ZNF724: variants seen among roughly 807,000 people sequenced by gnomAD.
The protein encoded by ZNF724 is zinc finger protein 724.
Under a neutral mutation model 29.3 loss-of-function variants are expected in ZNF724, and 14 were observed. That is an observed-to-expected ratio of 0.48 (90% CI 0.32 to 0.75). ZNF724 has a LOEUF of 0.75. ZNF724 is among the 30% of genes least tolerant of loss of function. The pLI is 0.04. For missense variants in ZNF724, 557 were observed against 571.2 expected (o/e 0.98, Z 0.25); for synonymous variants, 180 against 193.6 (o/e 0.93, Z 0.58).
intron 1 of ZNF724, among the ~76,000 whole-genome samples, chr19:23,246,817 G>A (rs988656147): frequency 6.6e-6 from 1 of 152,112 alleles, no homozygotes; most frequent in Non-Finnish European, 1.5e-5. Flanking sequence ...TTGTGAACAT[G>A]TATTCATTTT....
intron 1 of ZNF724, among the ~76,000 whole-genome samples, chr19:23,241,137 C>A (rs560586753): frequency 6.6e-6 from 1 of 152,048 alleles, no homozygotes; most frequent in Non-Finnish European, 1.5e-5. Context: ...CACCTCTGTA[C>A]ACAAAAACTA....
chr19:23,241,567 G>A lies in ZNF724; in HGVS notation c.3+8673C>T, dbSNP rs114922062. On this transcript the variant is annotated intron_variant, in intron 1 of 3. Coordinates refer to ENST00000418100, the MANE Select transcript of ZNF724 (RefSeq NM_001355404.2). ...CTACTATAACCAAGTAGGCTTTATCGCTGGAATGCAAGGTTGGTTCAACAT... is the reference window on the plus strand; with the variant it reads ...CTACTATAACCAAGTAGGCTTTATCACTGGAATGCAAGGTTGGTTCAACAT... Among the ~76,000 whole-genome samples, 1,416 of 152,184 alleles carry A rather than the reference G, an allele frequency of 9.3e-3. 22 individuals carry two copies. Among genetic ancestry groups the A allele is most frequent in the African/African-American group, 0.031 (1,292 of 41,522 alleles).
intron 1 of ZNF724, among the ~76,000 whole-genome samples, chr19:23,245,763 A>G (rs990533931): frequency 6.6e-6 from 1 of 152,136 alleles, no homozygotes; most frequent in African/African-American, 2.4e-5. Flanking sequence ...TAAAGACCTT[A>G]TAATTGGTAC....
intron 1 of ZNF724, among the ~76,000 whole-genome samples, chr19:23,246,130 C>T (rs1306917110): frequency 6.6e-6 from 1 of 152,068 alleles, no homozygotes; most frequent in Admixed American, 6.6e-5. Flanking sequence ...AAGAGTTATT[C>T]ACTCAGGTTT....
At chr19:23,244,110 G>A (rs1463004483) in intron 1 of ZNF724, among the ~76,000 whole-genome samples, 10 of 151,202 alleles carry the variant, frequency 6.6e-5, no homozygotes, top group Non-Finnish European at 1.5e-4. Flanking sequence ...CGACGGGTGG[G>A]GGTAAGTGCA....
At chr19:23,247,569 C>T (rs1972263344) in intron 1 of ZNF724, among the ~76,000 whole-genome samples, 1 of 152,068 alleles carries the variant, frequency 6.6e-6, no homozygotes, top group Admixed American at 6.5e-5. Context: ...CCAATGACCA[C>T]CTTCTCAGGA....
chr19:23,237,298 C>T (rs1972036710), intron 1 of ZNF724, among the ~76,000 whole-genome samples: 1 of 152,082 alleles, frequency 6.6e-6, no homozygotes, highest in Non-Finnish European at 1.5e-5. Context: ...ACTGTAATAG[C>T]AGTATTCGAG....
intron 1 of ZNF724, 122 bp downstream of exon 1, chr19:23,250,115 AAGG>A (rs1423896511): frequency 1.1e-5 from 6 of 540,504 alleles, no homozygotes; most frequent in East Asian, 5.0e-5. Context: ...CCAGCTGGGC[AAGG>A]AGAACTCAGG....
At chr19:23,233,643 T>C (rs1361071188) in intron 1 of ZNF724, among the ~76,000 whole-genome samples, 1 of 151,734 alleles carries the variant, frequency 6.6e-6, no homozygotes, top group East Asian at 1.9e-4. Context: ...AAGAAATATT[T>C]TTCTTGATTA....
chr19:23,243,820 G>A (rs1972184087), intron 1 of ZNF724, among the ~76,000 whole-genome samples: 1 of 151,794 alleles, frequency 6.6e-6, no homozygotes, highest in African/African-American at 2.4e-5. Context: ...CTACTTGGGA[G>A]GCTGATGCAG....
intron 1 of ZNF724, among the ~76,000 whole-genome samples, chr19:23,243,214 C>G (rs1045822537): frequency 2.6e-5 from 4 of 151,882 alleles, no homozygotes; most frequent in Non-Finnish European, 5.9e-5. Flanking sequence ...CATGGTGGCC[C>G]ACACCTGTAA....
chr19:23,243,649 G>A (rs1218813368), intron 1 of ZNF724, among the ~76,000 whole-genome samples: 10 of 151,770 alleles, frequency 6.6e-5, no homozygotes, highest in Admixed American at 3.3e-4. Context: ...TGGGCCGGGC[G>A]CGGTGGCTCA....
At chr19:23,249,964 GGA>G (rs1227980933) in intron 1 of ZNF724, among the ~76,000 whole-genome samples, 1 of 152,182 alleles carries the variant, frequency 6.6e-6, no homozygotes, top group Non-Finnish European at 1.5e-5. Flanking sequence ...GCACAATCTG[GGA>G]GAGACGCTGC....
In ZNF724 at chr19:23,222,401, T is replaced by C. The variant is rs753440477; in HGVS notation, c.1844A>G (p.Glu615Gly). Residue 615 changes from glutamate (E) to glycine (G), a missense_variant, in exon 4 of 4, where the codon GAA (glutamate) becomes GGA (glycine). Physicochemically the swap from Glu to Gly is moderately conservative, Grantham distance 98 (BLOSUM62 -2). Coordinates refer to ENST00000418100, the MANE Select transcript of ZNF724 (RefSeq NM_001355404.2). The stretch of plus-strand genomic sequence containing the variant: ...CCATTTTTCTTATTTGTCAGATTTT[T>C]CTACAGCATGAATTTTCTTGTGTGT... The part of the protein sequence containing the change: ...LTTHKKIHAV[E>G]KSDK The C allele has an allele frequency of 8.6e-7, 1 of 1,167,050 alleles. No individual in the cohort carries two copies. Among genetic ancestry groups the C allele is most frequent in the Non-Finnish European group, 1.3e-6 (1 of 784,346 alleles). The allele number at this position is 1,167,050 out of a possible 1,614,324, so 72.3% of individuals were successfully genotyped here. A position where few individuals can be genotyped will look rare whatever the true frequency, so the allele number is the denominator to read the frequency against.
chr19:23,232,306 C>T lies in ZNF724; in HGVS notation c.4-13G>A. ...ATGTCAATGGTCCCTGAAAAGTACA[C>T]ACACACATATTTACGAAGTGGCCAT... is the stretch of plus-strand genomic sequence containing the variant. On this transcript the variant is annotated splice_polypyrimidine_tract_variant and intron_variant, in intron 1 of 3. Coordinates refer to ENST00000418100, the MANE Select transcript of ZNF724 (RefSeq NM_001355404.2). 13 of 1,196,204 alleles carry T rather than the reference C, an allele frequency of 1.1e-5. No individual in the cohort carries two copies. Among genetic ancestry groups the T allele is most frequent in the Non-Finnish European group, 1.6e-5 (13 of 807,120 alleles). 74.1% of individuals were successfully genotyped at this position (1,196,204 alleles called of 1,614,324 possible).
rs1232523206 is a variant in ZNF724 at position 23,221,958 on chromosome 19, T to C, written c.*427A>G. The C allele has an allele frequency of 6.2e-6, 1 of 161,698 alleles. No individual in the cohort carries two copies. The highest frequency in any genetic ancestry group is 2.4e-5 in the African/African-American group (1 of 41,534). 10.0% of individuals were successfully genotyped at this position (161,698 alleles called of 1,614,324 possible). ...AGGCTTATATTTTCTGAAAAATCTA[T>C]TGACAGTAATTTCATCTTTAATGCT... On this transcript the variant is annotated 3_prime_UTR_variant, in exon 4 of 4. Coordinates refer to ENST00000418100, the MANE Select transcript of ZNF724 (RefSeq NM_001355404.2).
At chr19:23,244,734 T>C (rs1972207891) in intron 1 of ZNF724, among the ~76,000 whole-genome samples, 1 of 152,158 alleles carries the variant, frequency 6.6e-6, no homozygotes, top group South Asian at 2.1e-4. Flanking sequence ...GGGCTTGGTC[T>C]CAAAATATTG....
intron 1 of ZNF724, among the ~76,000 whole-genome samples, chr19:23,248,750 T>G (rs2145799048): frequency 6.6e-6 from 1 of 152,118 alleles, no homozygotes; most frequent in African/African-American, 2.4e-5. Context: ...ATCCTACCAC[T>G]TAGGGAGGCT....
Position 23,222,479 on chromosome 19 carries a change from G to A in ZNF724, c.1766C>T (p.Pro589Leu). 7.7e-7 allele frequency: 1 copy of A among 1,301,678 alleles called. No homozygotes were observed. 80.6% of individuals were successfully genotyped at this position (1,301,678 alleles called of 1,614,324 possible). ...TTTGCCACATTCTTTACATTTGTAG[G>A]GTTTCTCTCCAGTATGAATTACCTT... The part of the protein sequence containing the change: ...KHKVIHTGEK[P>L]YKCKECGKAF... The change falls in exon 4 of 4, where the codon CCC becomes CTC. Residue 589 changes from proline to leucine, a missense_variant. Coordinates refer to ENST00000418100, the MANE Select transcript of ZNF724 (RefSeq NM_001355404.2).
Sources: allele counts gnomAD v4.1 joint callset (sites outside exome capture counted in the v4.1 genomes callset), GRCh38; gene constraint gnomAD v4.1.1; transcripts MANE v1.5; gene names NCBI Gene and HGNC (gene_info 2026-07-23, HGNC 2026-07-21).